AKAP6: variants seen among roughly 807,000 people sequenced by gnomAD.
AKAP6 encodes the protein A-kinase anchoring protein 6.
In AKAP6, 58 loss-of-function variants were observed where a neutral mutation model predicts 188.5. That is an observed-to-expected ratio of 0.31 (90% CI 0.25 to 0.38). The LOEUF is 0.38. AKAP6 is among the 10% of genes least tolerant of loss of function. The pLI is 1.00. For synonymous variants in AKAP6, 989 were observed against 998.6 expected (o/e 0.99, Z 0.18); for missense variants, 2,710 against 2,740.0 (o/e 0.99, Z 0.24).
At chr14:32,402,635 G>A (rs1424448797) in intron 1 of AKAP6, among the ~76,000 whole-genome samples, 1 of 152,022 alleles carries the variant, frequency 6.6e-6, no homozygotes, top group African/African-American at 2.4e-5. Context: ...TGAAGGCAGG[G>A]ATTATATAAT....
intron 12 of AKAP6, among the ~76,000 whole-genome samples, chr14:32,805,017 A>T (rs963909627): frequency 3.3e-5 from 5 of 152,052 alleles, no homozygotes; most frequent in African/African-American, 1.2e-4. Flanking sequence ...AGGTGCACTG[A>T]TTTCATATTT....
At chr14:32,611,788 A>G (rs1886362141) in intron 7 of AKAP6, among the ~76,000 whole-genome samples, 1 of 152,170 alleles carries the variant, frequency 6.6e-6, no homozygotes, top group African/African-American at 2.4e-5. Context: ...TATAGACTGA[A>G]GAATAGGACT....
intron 9 of AKAP6, chr14:32,718,163 T>C (rs2030327287): frequency 2.5e-6 from 1 of 394,948 alleles, no homozygotes; most frequent in Non-Finnish European, 3.4e-6. Context: ...CTTACTGACC[T>C]TGGGCAAGTC....
chr14:32,372,789 TGTG>T, intron 1 of AKAP6, among the ~76,000 whole-genome samples: 2 of 151,868 alleles, frequency 1.3e-5, no homozygotes, highest in South Asian at 4.2e-4. Flanking sequence ...TGTGTGTGTG[TGTG>T]TGTGTGTGTG....
At chr14:32,429,135 C>A (rs1167439778) in intron 1 of AKAP6, among the ~76,000 whole-genome samples, 2 of 152,178 alleles carry the variant, frequency 1.3e-5, no homozygotes, top group African/African-American at 4.8e-5. Context: ...AGAGTTGTAA[C>A]TCGGTAGGCA....
chr14:32,334,571 ATAAAT>A (rs1376751168), intron 1 of AKAP6, among the ~76,000 whole-genome samples: 6 of 152,320 alleles, frequency 3.9e-5, no homozygotes, highest in South Asian at 4.1e-4. Flanking sequence ...TGTCTAATCT[ATAAAT>A]TAAACTTTAT....
chr14:32,475,058 CA>C (rs1204835444), intron 2 of AKAP6, among the ~76,000 whole-genome samples: 2 of 152,170 alleles, frequency 1.3e-5, no homozygotes, highest in East Asian at 3.8e-4. Context: ...ATTCCTTATA[CA>C]AAGGAATGTA....
At chr14:32,757,081 G>A (rs563782902) in intron 11 of AKAP6, among the ~76,000 whole-genome samples, 1 of 152,302 alleles carries the variant, frequency 6.6e-6, no homozygotes, top group African/African-American at 2.4e-5. Flanking sequence ...GCCTCAAATG[G>A]TGGGTGTCTT....
At position 32,747,766 on chromosome 14, in the gene AKAP6, A is replaced by G. The variant is rs113931675; in HGVS notation, c.3372+11884A>G. ...ACAGAACATTTTTACAGGCAGTCCC[A>G]GTGCAGTTTTCTAGAGTAAAAGAAA... On this transcript the variant is annotated intron_variant, in intron 11 of 13. Transcript: ENST00000280979. Among the ~76,000 whole-genome samples the G allele has an allele frequency of 1.8e-3, 267 of 152,370 alleles. 2 individuals are homozygous for G. Among genetic ancestry groups the G allele is most frequent in the African/African-American group, 5.9e-3 (246 of 41,590 alleles).
At chr14:32,779,640 G>T (rs2033180266) in intron 12 of AKAP6, among the ~76,000 whole-genome samples, 1 of 152,024 alleles carries the variant, frequency 6.6e-6, no homozygotes, top group South Asian at 2.1e-4. Context: ...AAATGTTTAT[G>T]CTCTAAAACA....
intron 1 of AKAP6, among the ~76,000 whole-genome samples, chr14:32,353,316 A>G (rs990188014): frequency 6.6e-6 from 1 of 152,314 alleles, no homozygotes; most frequent in East Asian, 1.9e-4. Context: ...TAATCCCAGC[A>G]CTTTGGGAAG....
At chr14:32,365,086 C>A (rs1049572460) in intron 1 of AKAP6, among the ~76,000 whole-genome samples, 4 of 152,124 alleles carry the variant, frequency 2.6e-5, no homozygotes, top group African/African-American at 9.7e-5. Context: ...TGAGTCCCCA[C>A]CTGGACTCCC....
At chr14:32,650,129 G>T (rs1395697330) in intron 7 of AKAP6, among the ~76,000 whole-genome samples, 1 of 152,038 alleles carries the variant, frequency 6.6e-6, no homozygotes, top group Non-Finnish European at 1.5e-5. Flanking sequence ...ACTTGTTTTG[G>T]GTTCTAGTTC....
intron 8 of AKAP6, among the ~76,000 whole-genome samples, chr14:32,685,462 T>A (rs895661215): frequency 6.6e-5 from 10 of 151,558 alleles, no homozygotes; most frequent in Non-Finnish European, 1.5e-4. Flanking sequence ...TGGGATTACA[T>A]GCCTGTAATC....
chr14:32,514,142 T>C (rs1881398871), intron 2 of AKAP6, among the ~76,000 whole-genome samples: 1 of 152,202 alleles, frequency 6.6e-6, no homozygotes, highest in South Asian at 2.1e-4. Context: ...TGCCTTCCCA[T>C]CTACCCGATA....
At chr14:32,352,044 A>G (rs1887290374) in intron 1 of AKAP6, among the ~76,000 whole-genome samples, 1 of 149,514 alleles carries the variant, frequency 6.7e-6, no homozygotes, top group Admixed American at 6.7e-5. Context: ...AGCTGTGGGC[A>G]CTGCTTTTGT....
chr14:32,662,037 T>G (rs183226478), intron 7 of AKAP6, among the ~76,000 whole-genome samples: 1 of 152,206 alleles, frequency 6.6e-6, no homozygotes, highest in Non-Finnish European at 1.5e-5. Flanking sequence ...AACAGTGAAC[T>G]GAAGTAGGTG....
intron 5 of AKAP6, among the ~76,000 whole-genome samples, chr14:32,588,471 G>C (rs887155317): frequency 6.6e-6 from 1 of 152,224 alleles, no homozygotes; most frequent in African/African-American, 2.4e-5. Context: ...GAGACTCTCT[G>C]TAATCAATCT....
At chr14:32,645,551 G>C (rs1465927936) in intron 7 of AKAP6, among the ~76,000 whole-genome samples, 1 of 152,092 alleles carries the variant, frequency 6.6e-6, no homozygotes, top group African/African-American at 2.4e-5. Context: ...TGAGTAGCTG[G>C]GACTACAGGC....
Sources: allele counts gnomAD v4.1 joint callset (sites outside exome capture counted in the v4.1 genomes callset), GRCh38; gene constraint gnomAD v4.1.1; transcripts MANE v1.5; gene names NCBI Gene and HGNC (gene_info 2026-07-23, HGNC 2026-07-21).